The following ITPR1 variants were observed in gnomAD, a reference collection of about 807,000 sequenced individuals.
ITPR1 encodes the protein inositol 1,4,5-trisphosphate-gated calcium channel ITPR1.
Under a neutral mutation model 318.4 loss-of-function variants are expected in ITPR1, and 96 were observed. The ratio of observed to expected loss-of-function variants is 0.30; its 90% CI spans 0.26 to 0.36. ITPR1 has a LOEUF of 0.36. Among genes scored for constraint, ITPR1 ranks in the 10% least tolerant of loss-of-function variants. The pLI, the probability that ITPR1 is intolerant of heterozygous loss-of-function variation, is 1.00. For missense variants in ITPR1, 2,440 were observed against 3,460.2 expected (o/e 0.71, Z 7.40); for synonymous variants, 1,312 against 1,289.9 (o/e 1.02, Z -0.37).
intron 60 of ITPR1, among the ~76,000 whole-genome samples, chr3:4,832,357 C>G (rs981210640): frequency 6.6e-6 from 1 of 152,156 alleles, no homozygotes; most frequent in African/African-American, 2.4e-5. Flanking sequence ...GCCCATGTGG[C>G]CTGCACAAAG....
chr3:4,675,314 C>A lies in ITPR1; in HGVS notation c.2779+66C>A. 9 of 1,162,500 alleles carry A rather than the reference C, an allele frequency of 7.7e-6. No individual in the cohort carries two copies. In the South Asian group the frequency reaches 1.2e-4, roughly 16 times the overall value. 72.0% of individuals were successfully genotyped at this position (1,162,500 alleles called of 1,614,324 possible). A position where few individuals can be genotyped will look rare whatever the true frequency, so the allele number is the denominator to read the frequency against. Reference sequence around the variant, plus strand: ...CCAGCCTTTCCTGTTATGCTCATGTCATACCCTATATGTGATGCCACATCC... The same window carrying A: ...CCAGCCTTTCCTGTTATGCTCATGTAATACCCTATATGTGATGCCACATCC... On this transcript the variant is annotated intron_variant, in intron 23 of 61. Transcript: ENST00000649015.
At chr3:4,658,384 A>G (rs924231586) in intron 13 of ITPR1, 106 bp downstream of exon 13, 25 of 998,542 alleles carry the variant, frequency 2.5e-5, no homozygotes, top group Middle Eastern at 3.3e-4. Context: ...TTAGATTTTT[A>G]TAAAGGATTT....
At chr3:4,611,689 T>C in intron 4 of ITPR1, among the ~76,000 whole-genome samples, 1 of 152,030 alleles carries the variant, frequency 6.6e-6, no homozygotes, top group East Asian at 1.9e-4. Flanking sequence ...GCGGCTGCAG[T>C]GAGCTGAGAT....
chr3:4,611,028 TCCC>T (rs755830838), intron 4 of ITPR1, among the ~76,000 whole-genome samples: 3,784 of 34,172 alleles, frequency 0.11, 296 homozygotes, highest in East Asian at 0.23. Flanking sequence ...TTCCCCTTCC[TCCC>T]TCCCTCCCTC....
chr3:4,520,958 T>A, intron 3 of ITPR1, 66 bp from the exon 4 acceptor site: 1 of 1,223,990 alleles, frequency 8.2e-7, no homozygotes, highest in Non-Finnish European at 1.2e-6. Context: ...GATATCTGAT[T>A]TTTGCATAGT....
intron 4 of ITPR1, among the ~76,000 whole-genome samples, chr3:4,542,479 G>C (rs933788103): frequency 5.9e-5 from 9 of 151,946 alleles, no homozygotes; most frequent in African/African-American, 2.2e-4. Flanking sequence ...GGTATTTTTT[G>C]CTTAAATTTT....
At position 4,691,333 on chromosome 3, in the gene ITPR1, G is replaced by A; in HGVS notation, c.4018G>A (p.Val1340Ile). 1 of 1,609,424 alleles carries A rather than the reference G, an allele frequency of 6.2e-7. No homozygotes were observed. The highest frequency in any genetic ancestry group is 8.5e-7 in the Non-Finnish European group (1 of 1,176,080). The part of the protein sequence containing the change: ...GKFIKKCQDM[V>I]MAELVNSGED... ...ATTTATTAAAAAATGCCAAGACATG[G>A]TTATGGCCGAGGTGATTGTTATATA... The change falls in exon 32 of 62, where the codon GTT (valine) becomes ATT (isoleucine). Residue 1340 changes from valine (V) to isoleucine (I), a missense_variant. This residue lies in a region of ITPR1 where 222 missense variants were observed against 318.8 expected (regional missense o/e 0.70). Transcript: ENST00000649015.
chr3:4,522,088 T>A (rs977301122), intron 4 of ITPR1, among the ~76,000 whole-genome samples: 3 of 152,220 alleles, frequency 2.0e-5, no homozygotes, highest in Non-Finnish European at 4.4e-5. Context: ...TCTAGGCACA[T>A]GTTAGAATCA....
intron 2 of ITPR1, among the ~76,000 whole-genome samples, chr3:4,513,097 C>G (rs1456697398): frequency 6.6e-6 from 1 of 152,116 alleles, no homozygotes; most frequent in Non-Finnish European, 1.5e-5. Flanking sequence ...TTCACAGGCA[C>G]AAATGGTCCA....
Position 4,588,416 on chromosome 3 carries a change from G to A in ITPR1, c.164-39347G>A, listed in dbSNP as rs965293351. On this transcript the variant is annotated intron_variant, in intron 4 of 61. Transcript: ENST00000649015. Reference sequence around the variant, plus strand: ...GGTTTTTAAACGTGTATTCAAAGCAGCTGTGAAGTCATTTTCTCACTTGGC... The same window carrying A: ...GGTTTTTAAACGTGTATTCAAAGCAACTGTGAAGTCATTTTCTCACTTGGC... Among the ~76,000 whole-genome samples, 4 of 151,880 alleles carry A rather than the reference G, an allele frequency of 2.6e-5. No individual in the cohort carries two copies. In the East Asian group the frequency reaches 5.8e-4, roughly 22 times the overall value.
chr3:4,813,255 GC>G, intron 57 of ITPR1, 21 bp downstream of exon 57: 2 of 1,546,890 alleles, frequency 1.3e-6, no homozygotes, highest in Non-Finnish European at 1.8e-6. Context: ...CTAACTGTAA[GC>G]CCCATGTTAA....
chr3:4,699,143 G>C (rs9848459), intron 34 of ITPR1, among the ~76,000 whole-genome samples: 58,802 of 151,498 alleles, frequency 0.39, 14,182 homozygotes, highest in Non-Finnish European at 0.56. Context: ...GAGTCCAGGA[G>C]TTCGAGACCA....
intron 4 of ITPR1, among the ~76,000 whole-genome samples, chr3:4,551,217 C>A (rs1298116716): frequency 6.6e-6 from 1 of 152,132 alleles, no homozygotes; most frequent in Non-Finnish European, 1.5e-5. Context: ...TTGTCTTGGT[C>A]TGCTTGTAAC....
chr3:4,638,833 A>G lies in ITPR1; in HGVS notation c.280-551A>G, dbSNP rs540368342. 2.9e-4 allele frequency among the ~76,000 whole-genome samples: 42 copies of G among 146,128 alleles called. 3 individuals carry two copies. The South Asian group carries it at 8.1e-3, about 28-fold the overall frequency. On this transcript the variant is annotated intron_variant, in intron 5 of 61. Coordinates refer to ENST00000649015, the MANE Select transcript of ITPR1 (RefSeq NM_001378452.1). Reference sequence around the variant, plus strand: ...GATTAATGTCTAACAAGAATAGCTAATAACTCCATGTGTGCTACAGTGTAT... The same window carrying G: ...GATTAATGTCTAACAAGAATAGCTAGTAACTCCATGTGTGCTACAGTGTAT...
chr3:4,600,484 T>TTGTGTGTG (rs34131722), intron 4 of ITPR1, among the ~76,000 whole-genome samples: 3 of 150,606 alleles, frequency 2.0e-5, no homozygotes, highest in Non-Finnish European at 4.5e-5. Context: ...CCTTCCTGTT[T>TTGTGTGTG]TGTGTGTGTG....
At chr3:4,658,312 C>G in intron 13 of ITPR1, 34 bp downstream of exon 13, 1 of 1,587,004 alleles carries the variant, frequency 6.3e-7, no homozygotes, top group Non-Finnish European at 8.6e-7. Flanking sequence ...CCCAAAGAAT[C>G]AGGCCTGGTG....
At position 4,653,940 on chromosome 3, in the gene ITPR1, A is replaced by T. The variant is rs374957265; in HGVS notation, c.996+54A>T. The T allele has an allele frequency of 4.9e-4, 622 of 1,260,792 alleles. 1 individual carries two copies. The highest frequency in any genetic ancestry group is 6.6e-4 in the Non-Finnish European group (577 of 873,118). 78.1% of individuals were successfully genotyped at this position (1,260,792 alleles called of 1,614,324 possible). A position where few individuals can be genotyped will look rare whatever the true frequency, so the allele number is the denominator to read the frequency against. Reference sequence around the variant, plus strand: ...TCATCTGGTAGGGTGCGGCCAAATGATCTGGAGCTCCATTTAAGAAACTGT... The same window carrying T: ...TCATCTGGTAGGGTGCGGCCAAATGTTCTGGAGCTCCATTTAAGAAACTGT... On this transcript the variant is annotated intron_variant, in intron 12 of 61. Transcript: ENST00000649015.
At chr3:4,741,029 C>T (rs1377193976) in intron 44 of ITPR1, among the ~76,000 whole-genome samples, 2 of 152,140 alleles carry the variant, frequency 1.3e-5, no homozygotes, top group African/African-American at 2.4e-5. Flanking sequence ...GCAGGGCTCA[C>T]GGCACTTTCA....
intron 23 of ITPR1, among the ~76,000 whole-genome samples, chr3:4,675,704 C>T (rs1032888753): frequency 6.6e-6 from 1 of 152,104 alleles, no homozygotes; most frequent in South Asian, 2.1e-4. Context: ...GCTATTTCCA[C>T]TTTGTGAGAA....
Sources: allele counts gnomAD v4.1 joint callset (sites outside exome capture counted in the v4.1 genomes callset), GRCh38; gene constraint gnomAD v4.1.1; regional missense constraint gnomAD v4.1.1; transcripts MANE v1.5; gene names NCBI Gene and HGNC (gene_info 2026-07-23, HGNC 2026-07-21).